TTI1: variants seen among roughly 807,000 people sequenced by gnomAD.
TTI1 encodes the protein TELO2-interacting protein 1 homolog.
TTI1 carries 52 observed loss-of-function variants against 85.4 expected under a neutral mutation model. The observed-to-expected ratio is 0.61, with a 90% CI of 0.49 to 0.77. TTI1 has a LOEUF of 0.77. Ranked by LOEUF, TTI1 falls within the 30% of genes least tolerant of loss-of-function variation. TTI1 has a pLI of 0.00. For synonymous variants in TTI1, 512 were observed against 503.9 expected (o/e 1.02, Z -0.22); for missense variants, 1,173 against 1,296.0 (o/e 0.91, Z 1.46).
chr20:37,996,749 C>G lies in TTI1; in HGVS notation c.2998G>C (p.Gly1000Arg), dbSNP rs2073346677. The change falls in exon 6 of 8, where the codon GGT (glycine) becomes CGT (arginine). Residue 1000 changes from glycine (G) to arginine (R), a missense_variant and splice_region_variant. Transcript: ENST00000373447. The part of the protein sequence containing the change: ...LGPLCERLDL[G>R]EGDLNKVADA... ...TCAGGTGGAACTGCCTGGTACCCAC[C>G]TAGGTCCAGTCTCTCACAGAGGGGG... 6.2e-7 allele frequency: 1 copy of G among 1,606,158 alleles called. No homozygotes were observed. The highest frequency in any genetic ancestry group is 1.7e-5 in the Admixed American group (1 of 59,624).
chr20:37,996,507 T>C (rs768923986), intron 6 of TTI1, 45 bp from the exon 7 acceptor site: 2 of 1,604,652 alleles, frequency 1.2e-6, no homozygotes, highest in East Asian at 4.5e-5. Flanking sequence ...TTACACTTCA[T>C]TTGGGACAAG....
chr20:38,028,988 T>C (rs1257074524), intron 1 of TTI1, among the ~76,000 whole-genome samples: 1 of 152,216 alleles, frequency 6.6e-6, no homozygotes. Context: ...ATTACAGGCA[T>C]GAGCTACAGT....
chr20:38,000,611 G>A (rs1378774952), intron 4 of TTI1: 4 of 152,430 alleles, frequency 2.6e-5, no homozygotes, highest in Non-Finnish European at 5.9e-5. Context: ...ACTATGTGCT[G>A]GTCCACACTG....
chr20:37,999,363 C>T, intron 4 of TTI1, 35 bp from the exon 5 acceptor site: 3 of 1,349,636 alleles, frequency 2.2e-6, no homozygotes, highest in Non-Finnish European at 2.9e-6. Context: ...ATGGTATAGG[C>T]TTGAAAACAG....
At chr20:37,995,987 G>A (rs1013346336) in intron 7 of TTI1, among the ~76,000 whole-genome samples, 2 of 152,308 alleles carry the variant, frequency 1.3e-5, no homozygotes, top group East Asian at 3.9e-4. Context: ...CTGCCGTGGA[G>A]TCGACATATG....
At position 38,025,238 on chromosome 20, in the gene TTI1, C is replaced by T. The variant is rs148485326; in HGVS notation, c.-42+8166G>A. Among the ~76,000 whole-genome samples, 30 of 152,272 alleles carry T rather than the reference C, an allele frequency of 2.0e-4. No individual in the cohort carries two copies. The East Asian group carries it at 3.7e-3, about 19-fold the overall frequency. On this transcript the variant is annotated intron_variant, in intron 1 of 7. Transcript: ENST00000373447. ...TGTCCGAATCTCAATATAAAAATCA[C>T]TCATACCAGGAACCAGGAGGAACTC...
intron 3 of TTI1, 26 bp downstream of exon 3, chr20:38,006,171 C>G: frequency 6.2e-7 from 1 of 1,611,994 alleles, no homozygotes; most frequent in Non-Finnish European, 8.5e-7. Flanking sequence ...AAGAAAAAAC[C>G]AGCTAAGCCA....
chr20:38,004,833 G>A (rs2073473815), intron 3 of TTI1, among the ~76,000 whole-genome samples: 2 of 152,200 alleles, frequency 1.3e-5, no homozygotes, highest in South Asian at 4.1e-4. Context: ...TGGCAAATCT[G>A]GATTATGAGG....
intron 2 of TTI1, 139 bp from the exon 3 acceptor site, chr20:38,006,536 T>C: frequency 3.4e-6 from 3 of 886,680 alleles, no homozygotes; most frequent in South Asian, 1.7e-5. Context: ...GCCTCCCAGT[T>C]GCCCATTAAC....
chr20:37,997,696 G>A (rs536132515), intron 5 of TTI1, among the ~76,000 whole-genome samples: 1 of 152,184 alleles, frequency 6.6e-6, no homozygotes, highest in Non-Finnish European at 1.5e-5. Context: ...ATTTTGCAGA[G>A]AACAAGGCTC....
intron 1 of TTI1, among the ~76,000 whole-genome samples, chr20:38,020,131 A>T (rs2073741611): frequency 6.6e-6 from 1 of 151,846 alleles, no homozygotes; most frequent in Non-Finnish European, 1.5e-5. Flanking sequence ...ATAAAGATAC[A>T]ATAATTAAAG....
At chr20:38,003,059 C>T (rs1336994579) in intron 3 of TTI1, among the ~76,000 whole-genome samples, 1 of 152,086 alleles carries the variant, frequency 6.6e-6, no homozygotes, top group Non-Finnish European at 1.5e-5. Context: ...CTTATGGGGT[C>T]GAGTGATCTT....
In TTI1 at chr20:38,012,062, C is replaced by T. The variant is rs2073601578; in HGVS notation, c.1755G>A (p.Leu585=). 1.2e-6 allele frequency: 2 copies of T among 1,614,226 alleles called. No individual in the cohort carries two copies. Among genetic ancestry groups the T allele is most frequent in the Non-Finnish European group, 1.7e-6 (2 of 1,180,032 alleles). The part of the protein sequence containing the change: ...CLETEEMGEE[L]MMEHPGLQAI... ...CTTGGAGGCCTGGGTGCTCCATCAT[C>T]AGCTCCTCTCCCATTTCCTCAGTTT... is the stretch of plus-strand genomic sequence containing the variant. The change falls in exon 2 of 8, where the codon CTG becomes CTA. Residue 585 remains leucine (L), a synonymous_variant. Coordinates refer to ENST00000373447, the MANE Select transcript of TTI1 (RefSeq NM_001303457.2).
At position 37,996,947 on chromosome 20, in the gene TTI1, G is replaced by A. The variant is rs575066309; in HGVS notation, c.2800C>T (p.Arg934Cys). The change falls in exon 6 of 8, where the codon CGT becomes TGT. Residue 934 changes from arginine to cysteine, a missense_variant. Physicochemically the swap from Arg to Cys is radical, Grantham distance 180. Transcript: ENST00000373447. The part of the protein sequence containing the change: ...LAVLRAFKVL[R>C]TLGSKCGDFL... Reference sequence around the variant, plus strand: ...TCACCACACTTGCTTCCCAGGGTACGTAAAACCTGCAGAAACAGCCTCCAA... The same window carrying A: ...TCACCACACTTGCTTCCCAGGGTACATAAAACCTGCAGAAACAGCCTCCAA... 27 of 1,613,314 alleles carry A rather than the reference G, an allele frequency of 1.7e-5. No individual in the cohort carries two copies. The highest frequency in any genetic ancestry group is 1.1e-4 in the East Asian group (5 of 44,850).
intron 7 of TTI1, among the ~76,000 whole-genome samples, chr20:37,987,873 C>T (rs2122479502): frequency 6.6e-6 from 1 of 152,318 alleles, no homozygotes; most frequent in East Asian, 1.9e-4. Context: ...CTCCAGATGC[C>T]AAACCAGAAG....
chr20:37,998,639 G>A (rs2073376774), intron 5 of TTI1, among the ~76,000 whole-genome samples: 1 of 152,166 alleles, frequency 6.6e-6, no homozygotes, highest in Non-Finnish European at 1.5e-5. Context: ...TCACCAAACA[G>A]TCCCATTTTA....
chr20:38,020,323 A>AAAAAAAAAAAATAT, intron 1 of TTI1, among the ~76,000 whole-genome samples: 1 of 50,388 alleles, frequency 2.0e-5, no homozygotes, highest in African/African-American at 8.9e-5. Context: ...AAAAAAAAAA[A>AAAAAAAAAAAATAT]ATATATATAT....
In TTI1 at chr20:38,011,803, TA is replaced by T. The variant is rs764215387; in HGVS notation, c.2013del (p.Thr672ProfsTer4). 1 of 1,614,208 alleles carries T rather than the reference TA, an allele frequency of 6.2e-7. No individual in the cohort carries two copies. The highest frequency in any genetic ancestry group is 8.5e-7 in the Non-Finnish European group (1 of 1,180,026). ...CGGCAAACGTCCATCATGGTGCTGGTAGCCACCTGACTAATGAGTAGGGTTT... is the reference window on the plus strand; with the variant it reads ...CGGCAAACGTCCATCATGGTGCTGGTGCCACCTGACTAATGAGTAGGGTTT... ...GDQTLLISQV[A>X]TSTMMDVCRA... On this transcript the variant is annotated frameshift_variant, in exon 2 of 8. Coordinates refer to ENST00000373447, the MANE Select transcript of TTI1 (RefSeq NM_001303457.2). LOFTEE classifies it high-confidence loss of function.
chr20:38,028,082 C>A (rs2073858671), intron 1 of TTI1, among the ~76,000 whole-genome samples: 1 of 152,140 alleles, frequency 6.6e-6, no homozygotes, highest in Admixed American at 6.5e-5. Flanking sequence ...AAATAGATGG[C>A]CGCAGTTCAA....
Sources: allele counts gnomAD v4.1 joint callset (sites outside exome capture counted in the v4.1 genomes callset), GRCh38; gene constraint gnomAD v4.1.1; transcripts MANE v1.5; gene names NCBI Gene and HGNC (gene_info 2026-07-23, HGNC 2026-07-21).